Variants in AK9 observed in about 807,000 individuals in gnomAD.
The protein encoded by AK9 is adenylate kinase 9.
AK9 carries 191 observed loss-of-function variants against 239.6 expected under a neutral mutation model. The observed-to-expected ratio is 0.80, with a 90% CI of 0.71 to 0.90. The LOEUF is 0.90. Among genes scored for constraint, AK9 ranks in the 40% least tolerant of loss-of-function variants. AK9 has a pLI of 0.00. For synonymous variants in AK9, 689 were observed against 721.0 expected, an observed-to-expected ratio of 0.96 and a Z score of 0.71; for missense variants, 1,995 against 2,214.7, an observed-to-expected ratio of 0.90 and a Z score of 1.99.
intron 30 of AK9, 53 bp from the exon 31 acceptor site, chr6:109,516,128 G>C: frequency 7.0e-7 from 1 of 1,421,780 alleles, no homozygotes; most frequent in Non-Finnish European, 9.6e-7. Flanking sequence ...AAGGCTGGTA[G>C]TATTTAGTCA....
At chr6:109,496,750 G>A (rs1777074302) in intron 38 of AK9, among the ~76,000 whole-genome samples, 1 of 152,056 alleles carries the variant, frequency 6.6e-6, no homozygotes, top group African/African-American at 2.4e-5. Flanking sequence ...GCTCAAACAT[G>A]CTATCATATT....
At chr6:109,598,738 G>T (rs1257103251) in intron 17 of AK9, among the ~76,000 whole-genome samples, 1 of 152,158 alleles carries the variant, frequency 6.6e-6, no homozygotes. Context: ...AGCACCTGTT[G>T]TTTCCTGACT....
rs559920235 is a variant in AK9 at position 109,496,838 on chromosome 6, G to C, written c.5315+627C>G. Among the ~76,000 whole-genome samples the C allele has an allele frequency of 5.3e-5, 8 of 152,228 alleles. No homozygotes were observed. The East Asian group carries it at 1.5e-3, about 29-fold the overall frequency. ...ACACTTTAGTAGTGGTCTGACCCCA[G>C]AGCAAATTTGATTCCAACACGGACC... is the stretch of plus-strand genomic sequence containing the variant. On this transcript the variant is annotated intron_variant, in intron 38 of 40. Coordinates refer to ENST00000424296, the MANE Select transcript of AK9 (RefSeq NM_001145128.3).
intron 1 of AK9, among the ~76,000 whole-genome samples, chr6:109,679,072 T>C (rs1287925887): frequency 2.6e-5 from 4 of 152,122 alleles, no homozygotes; most frequent in Non-Finnish European, 5.9e-5. Flanking sequence ...GTTTTTTTCA[T>C]ATCCCAGTGG....
Position 109,675,618 on chromosome 6 carries a change from A to C in AK9, c.117+11T>G. The C allele has an allele frequency of 7.1e-7, 1 of 1,417,320 alleles. No homozygotes were observed. Among genetic ancestry groups the C allele is most frequent in the Non-Finnish European group, 9.5e-7 (1 of 1,055,736 alleles). 87.8% of individuals were successfully genotyped at this position (1,417,320 alleles called of 1,614,324 possible). On this transcript the variant is annotated intron_variant, in intron 2 of 40. Coordinates refer to ENST00000424296, the MANE Select transcript of AK9 (RefSeq NM_001145128.3). ...AAAAAAAATTATACCAAATAATAAG[A>C]GATAACTTACTGGTTTCCCAAATAC...
At chr6:109,563,453 C>A in intron 24 of AK9, 144 bp downstream of exon 24, 1 of 1,265,290 alleles carries the variant, frequency 7.9e-7, no homozygotes, top group Non-Finnish European at 1.0e-6. Context: ...TCAGGGGGGT[C>A]AAGTGAAGCT....
At chr6:109,609,487 T>C (rs143592120) in intron 17 of AK9, among the ~76,000 whole-genome samples, 36 of 152,338 alleles carry the variant, frequency 2.4e-4, no homozygotes, top group Non-Finnish European at 4.3e-4. Context: ...ATAGGGCAGA[T>C]AGTAGGTACT....
At chr6:109,528,442 A>AAATG (rs1285632849) in intron 29 of AK9, 3 of 411,208 alleles carry the variant, frequency 7.3e-6, no homozygotes, top group Non-Finnish European at 1.5e-5. Context: ...CTGAATGAAT[A>AAATG]AATGAATGAA....
At chr6:109,659,627 A>T (rs984763145) in intron 6 of AK9, among the ~76,000 whole-genome samples, 10 of 152,276 alleles carry the variant, frequency 6.6e-5, no homozygotes, top group African/African-American at 2.2e-4. Flanking sequence ...TATTTGTCCA[A>T]AATTAATATA....
chr6:109,608,341 C>T (rs1583235609), intron 17 of AK9, among the ~76,000 whole-genome samples: 1 of 138,666 alleles, frequency 7.2e-6, no homozygotes, highest in South Asian at 2.5e-4. Context: ...GACAAACAAA[C>T]AGACTAATGG....
Position 109,633,172 on chromosome 6 carries a change from A to G in AK9, c.1073+12T>C. ...GGAAGATTTAAAATTAAGTTCTGAA[A>G]ATCTTACTTACCTCACAGAATAATC... On this transcript the variant is annotated intron_variant, in intron 11 of 40. Coordinates refer to ENST00000424296, the MANE Select transcript of AK9 (RefSeq NM_001145128.3). 1 of 1,577,334 alleles carries G rather than the reference A, an allele frequency of 6.3e-7. No individual in the cohort carries two copies. Among genetic ancestry groups the G allele is most frequent in the Non-Finnish European group, 8.6e-7 (1 of 1,168,254 alleles).
At chr6:109,633,760 TAC>T (rs142544004) in intron 10 of AK9, among the ~76,000 whole-genome samples, 512 of 152,314 alleles carry the variant, frequency 3.4e-3, no homozygotes, top group African/African-American at 0.012. Context: ...AGATGTTATG[TAC>T]AGATTGTTTT....
intron 5 of AK9, among the ~76,000 whole-genome samples, chr6:109,669,815 G>C (rs1008264442): frequency 6.6e-6 from 1 of 152,250 alleles, no homozygotes; most frequent in East Asian, 1.9e-4. Context: ...ATTCCTGTGG[G>C]ATGCTACAGG....
rs372910587 is a variant in AK9 at position 109,635,448 on chromosome 6, G to T, written c.934-2125C>A. Reference sequence around the variant, plus strand: ...ACTGGTTGGAAATCTTTGAAAGAAGGTGCTAGTGCCAGAGCCACTCCTACT... The same window carrying T: ...ACTGGTTGGAAATCTTTGAAAGAAGTTGCTAGTGCCAGAGCCACTCCTACT... On this transcript the variant is annotated intron_variant, in intron 10 of 40. Transcript: ENST00000424296. Among the ~76,000 whole-genome samples the T allele has an allele frequency of 3.9e-5, 6 of 152,272 alleles. No individual in the cohort carries two copies. The East Asian group carries it at 1.2e-3, about 29-fold the overall frequency.
Position 109,567,994 on chromosome 6 carries a change from A to T in AK9, c.2345-3149T>A, listed in dbSNP as rs1786830403. ...CAACAAAAAAAGAGAATTTTAGACCAATGTCCCTGATGAACATGGATGCAA... is the reference window on the plus strand; with the variant it reads ...CAACAAAAAAAGAGAATTTTAGACCTATGTCCCTGATGAACATGGATGCAA... On this transcript the variant is annotated intron_variant, in intron 21 of 40. Transcript: ENST00000424296. Among the ~76,000 whole-genome samples the T allele has an allele frequency of 2.6e-5, 4 of 152,276 alleles. No homozygotes were observed. The South Asian group carries it at 8.3e-4, about 32-fold the overall frequency.
intron 38 of AK9, among the ~76,000 whole-genome samples, chr6:109,495,810 T>C (rs1203909179): frequency 1.3e-5 from 2 of 152,102 alleles, no homozygotes; most frequent in Non-Finnish European, 2.9e-5. Flanking sequence ...ACTTGTTCTC[T>C]TCCCATGGTG....
intron 35 of AK9, among the ~76,000 whole-genome samples, chr6:109,503,622 C>T (rs1041094019): frequency 1.3e-5 from 2 of 152,106 alleles, no homozygotes; most frequent in African/African-American, 4.8e-5. Context: ...ATCAGGCGGA[C>T]GCTGAAGCAG....
At chr6:109,528,862 C>T (rs1483470236) in intron 29 of AK9, 149 bp downstream of exon 29, 1 of 1,392,268 alleles carries the variant, frequency 7.2e-7, no homozygotes, top group East Asian at 2.7e-5. Flanking sequence ...TGGCTCATGC[C>T]TGTAATCCTA....
intron 24 of AK9, among the ~76,000 whole-genome samples, chr6:109,553,076 G>A (rs1562397387): frequency 6.6e-6 from 1 of 152,012 alleles, no homozygotes. Context: ...GTCTGTTTTG[G>A]TACCAGTACC....
Sources: gnomAD v4.1 joint callset for allele counts (sites outside exome capture counted in the v4.1 genomes callset) on GRCh38, gnomAD v4.1.1 for gene constraint, MANE v1.5 for transcripts, NCBI Gene and HGNC (gene_info 2026-07-23, HGNC 2026-07-21) for gene names.